The following EXOC4 variants were observed in gnomAD, a reference collection of about 807,000 sequenced individuals.
EXOC4 encodes the protein SEC8-like 1.
Under a neutral mutation model 107.2 loss-of-function variants are expected in EXOC4, and 71 were observed. That is an observed-to-expected ratio of 0.66 (90% confidence interval 0.55 to 0.81). The LOEUF is 0.81. Among genes scored for constraint, EXOC4 ranks in the 30% least tolerant of loss-of-function variants. The pLI, the probability that EXOC4 is intolerant of heterozygous loss-of-function variation, is 0.00. For missense variants in EXOC4, 1,108 were observed against 1,189.6 expected, an observed-to-expected ratio of 0.93 and a Z score of 1.01; for synonymous variants, 456 against 441.2, an observed-to-expected ratio of 1.03 and a Z score of -0.42.
intron 11 of EXOC4, among the ~76,000 whole-genome samples, chr7:133,852,716 T>C (rs1798261505): frequency 6.6e-6 from 1 of 152,154 alleles, no homozygotes; most frequent in African/African-American, 2.4e-5. Context: ...TTTAAAAAAA[T>C]AAGCATAGCA....
intron 11 of EXOC4, among the ~76,000 whole-genome samples, chr7:133,885,996 C>T (rs926665828): frequency 6.6e-6 from 1 of 152,092 alleles, no homozygotes; most frequent in Admixed American, 6.5e-5. Flanking sequence ...AAGTAAGAGG[C>T]CTGTTCAAGC....
chr7:133,754,884 A>G (rs1405496707), intron 10 of EXOC4, among the ~76,000 whole-genome samples: 1 of 152,006 alleles, frequency 6.6e-6, no homozygotes, highest in Non-Finnish European at 1.5e-5. Context: ...CTTGCTCTTT[A>G]TGAGGAGGGA....
chr7:133,887,201 A>G (rs1799104236), intron 11 of EXOC4, among the ~76,000 whole-genome samples: 1 of 152,204 alleles, frequency 6.6e-6, no homozygotes, highest in Non-Finnish European at 1.5e-5. Context: ...TCGTCAGCTG[A>G]AAGCTCTGCA....
At chr7:133,782,173 C>T (rs1206795796) in intron 10 of EXOC4, among the ~76,000 whole-genome samples, 1 of 152,060 alleles carries the variant, frequency 6.6e-6, no homozygotes, top group East Asian at 1.9e-4. Context: ...GTAAAAAATC[C>T]AGACATTGGT....
intron 2 of EXOC4, among the ~76,000 whole-genome samples, chr7:133,275,698 G>GT (rs1793974045): frequency 1.3e-5 from 2 of 152,292 alleles, no homozygotes; most frequent in South Asian, 4.1e-4. Flanking sequence ...CTACATTGAA[G>GT]TTGGTTGTGA....
At chr7:133,545,297 A>G (rs1269084892) in intron 9 of EXOC4, among the ~76,000 whole-genome samples, 1 of 152,174 alleles carries the variant, frequency 6.6e-6, no homozygotes, top group Non-Finnish European at 1.5e-5. Flanking sequence ...TGAACAAGTT[A>G]TAAATTTCAC....
intron 9 of EXOC4, among the ~76,000 whole-genome samples, chr7:133,613,377 G>A (rs751885966): frequency 3.9e-5 from 6 of 152,134 alleles, no homozygotes; most frequent in Admixed American, 6.6e-5. Context: ...CAAGCGTTGC[G>A]AGTGTTTGCT....
At chr7:133,557,388 T>G (rs968534884) in intron 9 of EXOC4, among the ~76,000 whole-genome samples, 2 of 152,194 alleles carry the variant, frequency 1.3e-5, no homozygotes, top group African/African-American at 4.8e-5. Flanking sequence ...AATTGTTAAG[T>G]TGTGTATTGA....
At position 134,031,833 on chromosome 7, in the gene EXOC4, A is replaced by G. The variant is rs530169088; in HGVS notation, c.2687+23998A>G. Among the ~76,000 whole-genome samples the G allele has an allele frequency of 2.6e-5, 4 of 152,300 alleles. No homozygotes were observed. In the East Asian group the frequency reaches 5.8e-4, roughly 22 times the overall value. ...TACAGAATTATTTTGTTTGCAACAA[A>G]GTTTTTTTTGTAAGTTTTCATTTGT... On this transcript the variant is annotated intron_variant, in intron 17 of 17. Coordinates refer to ENST00000253861, the MANE Select transcript of EXOC4 (RefSeq NM_021807.4).
chr7:133,814,854 T>C (rs1051410235), intron 10 of EXOC4, among the ~76,000 whole-genome samples: 1 of 152,248 alleles, frequency 6.6e-6, no homozygotes, highest in South Asian at 2.1e-4. Flanking sequence ...ATTTTTTTAC[T>C]AAGTCATTTG....
intron 7 of EXOC4, among the ~76,000 whole-genome samples, chr7:133,418,013 C>G (rs1797518189): frequency 6.6e-6 from 1 of 152,034 alleles, no homozygotes; most frequent in Non-Finnish European, 1.5e-5. Context: ...TCCTTTCTAC[C>G]CTTTCTTCCC....
chr7:133,263,267 A>C (rs1392718978), intron 1 of EXOC4, among the ~76,000 whole-genome samples: 1 of 152,184 alleles, frequency 6.6e-6, no homozygotes, highest in Non-Finnish European at 1.5e-5. Flanking sequence ...ATAAATATGT[A>C]CAAATATTTT....
At chr7:133,429,068 T>C (rs1470521046) in intron 7 of EXOC4, among the ~76,000 whole-genome samples, 1 of 152,092 alleles carries the variant, frequency 6.6e-6, no homozygotes, top group South Asian at 2.1e-4. Context: ...GGTTTGAGAA[T>C]AGGGATTGAG....
At chr7:133,662,601 G>T (rs10271234) in intron 10 of EXOC4, among the ~76,000 whole-genome samples, 15,729 of 151,836 alleles carry the variant, frequency 0.1, 997 homozygotes, top group African/African-American at 0.18. Flanking sequence ...TAGAGTAACA[G>T]TTCTGAATGT....
chr7:133,743,089 T>G (rs560772220), intron 10 of EXOC4, among the ~76,000 whole-genome samples: 1 of 152,268 alleles, frequency 6.6e-6, no homozygotes, highest in East Asian at 1.9e-4. Flanking sequence ...TAATTATATT[T>G]TACTTCCCAG....
At chr7:134,074,618 A>C in the EXOC4 span, among the ~76,000 whole-genome samples, 1 of 152,188 alleles carries the variant, frequency 6.6e-6, no homozygotes, top group African/African-American at 2.4e-5. Context: ...TGCCTAGTTC[A>C]TGTCTGAGCC....
intron 9 of EXOC4, among the ~76,000 whole-genome samples, chr7:133,627,810 A>C (rs1349153076): frequency 2.0e-5 from 3 of 152,140 alleles, no homozygotes; most frequent in Non-Finnish European, 2.9e-5. Context: ...ATGATTTTTA[A>C]TTAAGGGTTG....
At chr7:133,908,247 A>G (rs926495040) in intron 12 of EXOC4, among the ~76,000 whole-genome samples, 2 of 152,248 alleles carry the variant, frequency 1.3e-5, no homozygotes, top group African/African-American at 2.4e-5. Flanking sequence ...TGTGCAAGGG[A>G]CTTTATGGTC....
intron 10 of EXOC4, among the ~76,000 whole-genome samples, chr7:133,753,420 T>A (rs995693693): frequency 6.6e-6 from 1 of 152,284 alleles, no homozygotes; most frequent in Non-Finnish European, 1.5e-5. Context: ...GGGACTATAT[T>A]AACAAACATT....
Sources: allele counts gnomAD v4.1 joint callset (sites outside exome capture counted in the v4.1 genomes callset), GRCh38; gene constraint gnomAD v4.1.1; transcripts MANE v1.5; gene names NCBI Gene and HGNC (gene_info 2026-07-23, HGNC 2026-07-21).